ZSCAN18: variants seen among roughly 807,000 people sequenced by gnomAD.
ZSCAN18 encodes zinc finger and SCAN domain-containing protein 18.
A neutral mutation model predicts 31.1 loss-of-function variants in ZSCAN18; 16 were observed. That is an observed-to-expected ratio of 0.51 (90% CI 0.35 to 0.78). The LOEUF (loss-of-function observed/expected upper bound fraction) is 0.78, where lower values mean the gene tolerates loss of function less well. ZSCAN18 is among the 30% of genes least tolerant of loss of function. ZSCAN18 has a pLI of 0.01. For synonymous variants in ZSCAN18, 375 were observed against 320.7 expected, an observed-to-expected ratio of 1.17 and a Z score of -1.81; for missense variants, 731 against 697.4, an observed-to-expected ratio of 1.05 and a Z score of -0.54.
chr19:58,106,416 C>A (rs2074634289), intron 1 of ZSCAN18, among the ~76,000 whole-genome samples: 1 of 60,038 alleles, frequency 1.7e-5, no homozygotes, highest in South Asian at 4.9e-4. Context: ...GAAAAAAAGA[C>A]ATCTGGCTGG....
upstream of ZSCAN18, among the ~76,000 whole-genome samples, chr19:58,103,032 G>A (rs2074607583): frequency 6.6e-6 from 1 of 151,898 alleles, no homozygotes; most frequent in Admixed American, 6.6e-5. Flanking sequence ...CGAGGCAGCA[G>A]AATCGCTTGA....
At chr19:58,106,971 G>A (rs576137052) in intron 1 of ZSCAN18, among the ~76,000 whole-genome samples, 31 of 151,672 alleles carry the variant, frequency 2.0e-4, no homozygotes, top group African/African-American at 7.0e-4. Flanking sequence ...CAGCATGTTG[G>A]TCAGGCTTGT....
chr19:58,114,511 ACAT>A (rs142463056), intron 1 of ZSCAN18, among the ~76,000 whole-genome samples: 3,907 of 149,178 alleles, frequency 0.026, 159 homozygotes, highest in African/African-American at 0.087. Flanking sequence ...ACACATGCAC[ACAT>A]AATACATATA....
chr19:58,102,820 C>T (rs759468103), upstream of ZSCAN18, among the ~76,000 whole-genome samples: 2 of 152,134 alleles, frequency 1.3e-5, no homozygotes, highest in African/African-American at 2.4e-5. Flanking sequence ...GTAACATGTA[C>T]ATTTTATGTG....
upstream of ZSCAN18, among the ~76,000 whole-genome samples, chr19:58,101,516 CTTCTTTTTT>C (rs1403312685): frequency 1.8e-4 from 24 of 129,860 alleles, 1 homozygote; most frequent in African/African-American, 2.3e-4. Context: ...ACTTTATCTT[CTTCTTTTTT>C]TTTTTTTTTT....
At position 58,084,607 on chromosome 19, in the gene ZSCAN18, G is replaced by T; in HGVS notation, c.*78C>A. On this transcript the variant is annotated 3_prime_UTR_variant, in exon 7 of 7. Coordinates refer to ENST00000601144, the MANE Select transcript of ZSCAN18 (RefSeq NM_001145543.2). The surrounding 1 kb of genome is among the most constrained non-coding windows in gnomAD (Gnocchi z 4.5). ...ACACCACAGGAAGCCGCCACCCAGG[G>T]GCGTGGAAAGGCCCAATGCCTCGTC... is the stretch of plus-strand genomic sequence containing the variant. The T allele has an allele frequency of 7.5e-7, 1 of 1,332,298 alleles. No homozygotes were observed. The highest frequency in any genetic ancestry group is 9.9e-7 in the Non-Finnish European group (1 of 1,012,484). The allele number at this position is 1,332,298 out of a possible 1,614,324, so 82.5% of individuals were successfully genotyped here. A position where few individuals can be genotyped will look rare whatever the true frequency, so the allele number is the denominator to read the frequency against.
intron 1 of ZSCAN18, among the ~76,000 whole-genome samples, chr19:58,110,141 A>G (rs2074669344): frequency 6.6e-6 from 1 of 152,076 alleles, no homozygotes; most frequent in South Asian, 2.1e-4. Flanking sequence ...CAGCCTTCCA[A>G]AGTTCTGCAA....
At chr19:58,092,946 T>C (rs756671548) in intron 1 of ZSCAN18, among the ~76,000 whole-genome samples, 1 of 151,928 alleles carries the variant, frequency 6.6e-6, no homozygotes, top group Non-Finnish European at 1.5e-5. Flanking sequence ...GGCTAATTTT[T>C]AATTTGTTTT....
intron 1 of ZSCAN18, chr19:58,109,064 T>C: frequency 1.6e-6 from 2 of 1,225,550 alleles, no homozygotes; most frequent in Non-Finnish European, 2.0e-6. Context: ...ACCACAATGG[T>C]CATGGTGACC....
At position 58,085,295 on chromosome 19, in the gene ZSCAN18, G is replaced by A. The variant is rs1254138367; in HGVS notation, c.923C>T (p.Ala308Val). 6.3e-7 allele frequency: 1 copy of A among 1,598,888 alleles called. No homozygotes were observed. The highest frequency in any genetic ancestry group is 8.5e-7 in the Non-Finnish European group (1 of 1,177,656). ...ATCGGCAAGGGCGTCCCCAGGGGGC[G>A]CCTCCGTAGGCAGCTCAGGCAGCAC... The part of the protein sequence containing the change: ...AGVLPELPTE[A>V]PPGDALADPP... Residue 308 changes from alanine to valine, a missense_variant, in exon 7 of 7, where the codon GCG becomes GTG. Physicochemically the swap from Ala to Val is moderately conservative, Grantham distance 64 (BLOSUM62 0). Transcript: ENST00000601144.
At chr19:58,099,642 T>C (rs1162977594), upstream of ZSCAN18, among the ~76,000 whole-genome samples, 1 of 152,206 alleles carries the variant, frequency 6.6e-6, no homozygotes, top group Non-Finnish European at 1.5e-5. Flanking sequence ...AATGAACACG[T>C]GCTTATTAGT....
At chr19:58,115,210 A>G (rs2146031845) in intron 1 of ZSCAN18, among the ~76,000 whole-genome samples, 1 of 152,362 alleles carries the variant, frequency 6.6e-6, no homozygotes, top group East Asian at 1.9e-4. Flanking sequence ...AGCTGATCCA[A>G]GTTCAATCCT....
At chr19:58,094,670 G>T (rs1002839362) in intron 1 of ZSCAN18, among the ~76,000 whole-genome samples, 1 of 151,712 alleles carries the variant, frequency 6.6e-6, no homozygotes, top group African/African-American at 2.4e-5. Context: ...TTGAGCCCAG[G>T]AGCTCAAGAA....
At chr19:58,112,160 C>T (rs986805685) in intron 1 of ZSCAN18, among the ~76,000 whole-genome samples, 1 of 152,132 alleles carries the variant, frequency 6.6e-6, no homozygotes, top group African/African-American at 2.4e-5. Context: ...CTCAGTCTCC[C>T]CATAGCTGGG....
chr19:58,111,348 C>T (rs1052029303), intron 1 of ZSCAN18, among the ~76,000 whole-genome samples: 9 of 151,860 alleles, frequency 5.9e-5, no homozygotes, highest in East Asian at 3.9e-4. Context: ...CTGAACCCCC[C>T]GAAAAAAATT....
intron 6 of ZSCAN18, 179 bp from the exon 7 acceptor site, chr19:58,085,558 G>A (rs295350): frequency 0.72 from 413,104 of 574,334 alleles, 149,124 homozygotes; most frequent in Middle Eastern, 0.78. Flanking sequence ...CGCATGCCCC[G>A]CGCCTGCTGC....
Position 58,089,967 on chromosome 19 carries a change from G to A in ZSCAN18, c.301C>T (p.Leu101=). 6.2e-7 allele frequency: 1 copy of A among 1,614,144 alleles called. No homozygotes were observed. The highest frequency in any genetic ancestry group is 8.5e-7 in the Non-Finnish European group (1 of 1,180,046). The change falls in exon 2 of 7, where the codon CTG becomes TTG. Residue 101 remains leucine (L), a synonymous_variant. Coordinates refer to ENST00000601144, the MANE Select transcript of ZSCAN18 (RefSeq NM_001145543.2). ...ACCCAGGGCCGGACCTTATCAGGCA[G>A]GATGCCCAGGAACTGCTCCAGCACC... ...LLVLEQFLGI[L]PDKVRPWVVA... is the part of the protein sequence containing the mutation.
intron 1 of ZSCAN18, chr19:58,108,308 A>C: frequency 1.0e-6 from 1 of 985,504 alleles, no homozygotes; most frequent in Non-Finnish European, 1.2e-6. Context: ...GGTTGGAGAC[A>C]TCAGAAAAGG....
chr19:58,084,779 G>A lies in ZSCAN18; in HGVS notation c.1439C>T (p.Ser480Phe). 2 of 1,576,112 alleles carry A rather than the reference G, an allele frequency of 1.3e-6. No individual in the cohort carries two copies. Among genetic ancestry groups the A allele is most frequent in the Non-Finnish European group, 1.7e-6 (2 of 1,168,136 alleles). ...AGCCCCCGCCTGGGCTTCGCGGGTG[G>A]ACGGTTGGGGGCCCCGGGCGCCCCC... ...ALGGARGPQPSTREAQAGARA... is the reference protein window; with the variant it reads ...ALGGARGPQPFTREAQAGARA... Residue 480 changes from serine (S) to phenylalanine (F), a missense_variant, in exon 7 of 7, where the codon TCC (serine) becomes TTC (phenylalanine). By Grantham distance (155) the Ser-to-Phe change is radical. Around this residue, in one of 4 missense-constraint regions of ZSCAN18, gnomAD observed 597 missense variants for 499.5 expected, o/e 1.20. Transcript: ENST00000601144. The surrounding 1 kb of genome is among the most constrained non-coding windows in gnomAD (Gnocchi z 4.5).
Sources: gnomAD v4.1 joint callset for allele counts (sites outside exome capture counted in the v4.1 genomes callset) on GRCh38, gnomAD v4.1.1 for gene constraint, gnomAD v4.1.1 regional missense constraint, Gnocchi (gnomAD v3.1) non-coding constraint, MANE v1.5 for transcripts, NCBI Gene and HGNC (gene_info 2026-07-23, HGNC 2026-07-21) for gene names.